The following GATC variants were observed in gnomAD, a reference collection of about 807,000 sequenced individuals.
The protein encoded by GATC is glutamyl-tRNA(Gln) amidotransferase subunit C, mitochondrial.
GATC carries 11 observed loss-of-function variants against 14.4 expected under a neutral mutation model. The ratio of observed to expected loss-of-function variants is 0.77; its 90% CI spans 0.48 to 1.27. The LOEUF (loss-of-function observed/expected upper bound fraction) is 1.27. GATC is among the 50% of genes most tolerant of loss of function. The pLI, the probability that GATC is intolerant of heterozygous loss-of-function variation, is 0.00. For synonymous variants in GATC, 76 were observed against 79.3 expected (o/e 0.96, Z 0.22); for missense variants, 204 against 183.0 (o/e 1.11, Z -0.66).
Position 120,462,322 on chromosome 12 carries a change from G to A in GATC, c.*2363G>A, listed in dbSNP as rs769749189. 9.3e-6 allele frequency: 6 copies of A among 644,426 alleles called. No individual in the cohort carries two copies. The highest frequency in any genetic ancestry group is 2.8e-5 in the South Asian group (1 of 35,896). 39.9% of individuals were successfully genotyped at this position (644,426 alleles called of 1,614,324 possible). A position where few individuals can be genotyped will look rare whatever the true frequency, so the allele number is the denominator to read the frequency against. On this transcript the variant is annotated 3_prime_UTR_variant, in exon 4 of 4. Coordinates refer to ENST00000551765, the MANE Select transcript of GATC (RefSeq NM_176818.3). The stretch of plus-strand genomic sequence containing the variant: ...TCATTAAACCTTCATAACATTATGA[G>A]GTAGGTACTCTTACTATCCCATTTC...
At chr12:120,457,015 C>T in intron 2 of GATC, 61 bp from the exon 3 acceptor site, 1 of 1,066,866 alleles carries the variant, frequency 9.4e-7, no homozygotes. Flanking sequence ...TTGCCCCTCT[C>T]CATCATCCCC....
intron 2 of GATC, among the ~76,000 whole-genome samples, chr12:120,455,311 C>T (rs924880607): frequency 1.3e-5 from 2 of 151,734 alleles, no homozygotes; most frequent in African/African-American, 2.4e-5. Flanking sequence ...TGGGATCACA[C>T]GTGCGTGCCA....
At chr12:120,455,489 G>A (rs1431579048) in intron 2 of GATC, among the ~76,000 whole-genome samples, 7 of 148,568 alleles carry the variant, frequency 4.7e-5, no homozygotes, top group Admixed American at 1.3e-4. Context: ...ACACCCCGCC[G>A]CCCCCCTCCA....
Position 120,462,291 on chromosome 12 carries a change from G to A in GATC, c.*2332G>A, listed in dbSNP as rs1878367941. 1.0e-6 allele frequency: 1 copy of A among 960,052 alleles called. No individual in the cohort carries two copies. Among genetic ancestry groups the A allele is most frequent in the Non-Finnish European group, 1.5e-6 (1 of 663,000 alleles). The allele number at this position is 960,052 out of a possible 1,614,324, so 59.5% of individuals were successfully genotyped here. On this transcript the variant is annotated 3_prime_UTR_variant, in exon 4 of 4. Coordinates refer to ENST00000551765, the MANE Select transcript of GATC (RefSeq NM_176818.3). ...CTGTGTACTCTGTGCCTGGCATGAG[G>A]CTATCTCATTAAACCTTCATAACAT...
At chr12:120,452,139 A>G (rs1878068410) in intron 2 of GATC, among the ~76,000 whole-genome samples, 1 of 152,004 alleles carries the variant, frequency 6.6e-6, no homozygotes, top group Non-Finnish European at 1.5e-5. Flanking sequence ...GGCCTCCCAA[A>G]GTGCTGGGAT....
intron 2 of GATC, among the ~76,000 whole-genome samples, chr12:120,448,521 G>T (rs572610286): frequency 1.4e-3 from 217 of 150,910 alleles, no homozygotes; most frequent in African/African-American, 5.0e-3. Flanking sequence ...TAGAGACAGG[G>T]TTTCACCATG....
At chr12:120,456,206 A>C (rs1312204995) in intron 2 of GATC, among the ~76,000 whole-genome samples, 2 of 152,190 alleles carry the variant, frequency 1.3e-5, no homozygotes, top group Non-Finnish European at 2.9e-5. Context: ...TTACACCTTG[A>C]AACAATAGTG....
At chr12:120,458,807 G>A (rs558579560) in intron 3 of GATC, among the ~76,000 whole-genome samples, 2 of 152,306 alleles carry the variant, frequency 1.3e-5, no homozygotes, top group South Asian at 2.1e-4. Context: ...GCCAGTTAAA[G>A]GCAGGCTCTG....
chr12:120,459,308 C>T (rs964218542), intron 3 of GATC, among the ~76,000 whole-genome samples: 1 of 152,202 alleles, frequency 6.6e-6, no homozygotes, highest in Non-Finnish European at 1.5e-5. Flanking sequence ...CAGAACCTTA[C>T]TTCAGACTTT....
At chr12:120,448,907 G>A (rs1877959040) in intron 2 of GATC, among the ~76,000 whole-genome samples, 1 of 151,416 alleles carries the variant, frequency 6.6e-6, no homozygotes, top group East Asian at 1.9e-4. Context: ...GCCTCCCAAA[G>A]TGCTGGGATT....
At chr12:120,455,456 A>ACCACACCTGGCCTTTCTCCC (rs1878158084) in intron 2 of GATC, among the ~76,000 whole-genome samples, 1 of 152,022 alleles carries the variant, frequency 6.6e-6, no homozygotes, top group Non-Finnish European at 1.5e-5. Flanking sequence ...TGCAAGAGCC[A>ACCACACCTGGCCTTTCTCCC]CCACACCTGG....
In GATC at chr12:120,462,004, T is replaced by C. The variant is rs755150306; in HGVS notation, c.*2045T>C. On this transcript the variant is annotated 3_prime_UTR_variant, in exon 4 of 4. Transcript: ENST00000551765. ...GTTAACCTAAAAAATAAAGAAAAAA[T>C]TCCCATCACCTGTCTCAGTAGGGCC... 1.9e-6 allele frequency: 3 copies of C among 1,586,946 alleles called. No homozygotes were observed. The highest frequency in any genetic ancestry group is 2.6e-6 in the Non-Finnish European group (3 of 1,167,844).
intron 2 of GATC, among the ~76,000 whole-genome samples, chr12:120,447,081 G>GTT (rs11340121): frequency 3.8e-5 from 5 of 131,390 alleles, no homozygotes; most frequent in Admixed American, 7.6e-5. Flanking sequence ...TGTTTGTTTT[G>GTT]TTTTTTTTTT....
rs570283234 is a variant in GATC, at chr12:120,459,980, G to A, written c.*21G>A. The A allele has an allele frequency of 8.8e-6, 14 of 1,594,634 alleles. No individual in the cohort carries two copies. The highest frequency in any genetic ancestry group is 3.3e-5 in the South Asian group (3 of 90,392). On this transcript the variant is annotated 3_prime_UTR_variant, in exon 4 of 4. Transcript: ENST00000551765. ...GCTGAGTAGCTCATTCTGGAAAGGG[G>A]GTACTCTGTGAACATGTGGAAGCAT...
intron 2 of GATC, among the ~76,000 whole-genome samples, chr12:120,454,460 G>A (rs774172255): frequency 2.1e-4 from 32 of 152,006 alleles, no homozygotes; most frequent in Admixed American, 3.9e-4. Context: ...TTGCTCTGTC[G>A]CCCAGGCTGG....
chr12:120,453,268 C>T (rs1255797996), intron 2 of GATC, among the ~76,000 whole-genome samples: 2 of 152,216 alleles, frequency 1.3e-5, no homozygotes, highest in African/African-American at 4.8e-5. Flanking sequence ...CAGCATTTCT[C>T]ACAGTTACTT....
chr12:120,455,478 C>G (rs1443381384), intron 2 of GATC, among the ~76,000 whole-genome samples: 2 of 151,946 alleles, frequency 1.3e-5, no homozygotes, highest in East Asian at 1.9e-4. Context: ...CTTTCTCCCC[C>G]ACACCCCGCC....
intron 2 of GATC, among the ~76,000 whole-genome samples, chr12:120,451,947 G>A (rs1446921794): frequency 1.5e-5 from 2 of 136,362 alleles, no homozygotes; most frequent in Non-Finnish European, 3.1e-5. Context: ...CACGATCTCA[G>A]CTCACTGCAA....
At chr12:120,455,202 T>C (rs554260285) in intron 2 of GATC, among the ~76,000 whole-genome samples, 16 of 149,820 alleles carry the variant, frequency 1.1e-4, no homozygotes, top group Non-Finnish European at 2.2e-4. Flanking sequence ...TTCTTCTTGC[T>C]CTGTCGCCCA....
Sources: gnomAD v4.1 joint callset for allele counts (sites outside exome capture counted in the v4.1 genomes callset) on GRCh38, gnomAD v4.1.1 for gene constraint, MANE v1.5 for transcripts, NCBI Gene and HGNC (gene_info 2026-07-23, HGNC 2026-07-21) for gene names.